COL20A1: variants seen among roughly 807,000 people sequenced by gnomAD.
COL20A1 encodes the protein collagen alpha-1(XX) chain.
Under a neutral mutation model 152.9 loss-of-function variants are expected in COL20A1, and 164 were observed. The ratio of observed to expected loss-of-function variants is 1.07; its 90% CI spans 0.94 to 1.22. COL20A1 has a LOEUF of 1.22. Among genes scored for constraint, COL20A1 ranks in the 50% most tolerant of loss-of-function variants. COL20A1 has a pLI of 0.00. For synonymous variants in COL20A1, 864 were observed against 756.0 expected (o/e 1.14, Z -2.34); for missense variants, 1,873 against 1,744.8 (o/e 1.07, Z -1.31).
At chr20:63,316,089 G>A (rs759426437) in intron 20 of COL20A1, among the ~76,000 whole-genome samples, 2 of 152,168 alleles carry the variant, frequency 1.3e-5, no homozygotes, top group Non-Finnish European at 2.9e-5. Context: ...TGGCCACGCT[G>A]TGTGCCAGCA....
rs1271114189 is a variant in COL20A1, at chr20:63,332,650, A to C, written c.*1934A>C. The C allele has an allele frequency of 6.6e-6, 1 of 152,260 alleles. No homozygotes were observed. The highest frequency in any genetic ancestry group is 1.5e-5 in the Non-Finnish European group (1 of 68,078). The allele number at this position is 152,260 out of a possible 1,614,324, so 9.4% of individuals were successfully genotyped here. A position where few individuals can be genotyped will look rare whatever the true frequency, so the allele number is the denominator to read the frequency against. ...GGCCGGGGGGAACCAGGGTGGCTCT[A>C]ATCCCCACCACCCCCTCAGCTGCCC... is the stretch of plus-strand genomic sequence containing the variant. On this transcript the variant is annotated 3_prime_UTR_variant, in exon 36 of 36. Transcript: ENST00000358894.
intron 3 of COL20A1, among the ~76,000 whole-genome samples, chr20:63,300,198 G>A (rs1296075826): frequency 3.9e-5 from 6 of 152,260 alleles, no homozygotes; most frequent in Non-Finnish European, 7.4e-5. Context: ...TCCTTTTAAA[G>A]TTTGGTATCA....
intron 27 of COL20A1, among the ~76,000 whole-genome samples, chr20:63,322,785 C>G (rs2068184780): frequency 6.6e-6 from 1 of 152,238 alleles, no homozygotes; most frequent in South Asian, 2.1e-4. Flanking sequence ...CTCCCGACCC[C>G]GACACCCACC....
intron 27 of COL20A1, among the ~76,000 whole-genome samples, chr20:63,322,945 G>A (rs2068187395): frequency 6.6e-6 from 1 of 152,248 alleles, no homozygotes; most frequent in Non-Finnish European, 1.5e-5. Flanking sequence ...CAGGCACAGA[G>A]TCCCTAGGAC....
intron 10 of COL20A1, 87 bp from the exon 11 acceptor site, chr20:63,310,294 T>C: frequency 1.3e-6 from 2 of 1,482,952 alleles, no homozygotes; most frequent in Non-Finnish European, 1.8e-6. Flanking sequence ...CCAGCTGAGC[T>C]CACACTCCAG....
chr20:63,334,041 A>G lies in COL20A1; in HGVS notation c.*3325A>G, dbSNP rs1438525947. On this transcript the variant is annotated 3_prime_UTR_variant, in exon 36 of 36. Coordinates refer to ENST00000358894, the MANE Select transcript of COL20A1 (RefSeq NM_020882.4). ...AGACGATGTCATAATACAGCCCCCCATCGTGATCTGATGGTAAGTACAGAA... is the reference window on the plus strand; with the variant it reads ...AGACGATGTCATAATACAGCCCCCCGTCGTGATCTGATGGTAAGTACAGAA... 6.6e-6 allele frequency: 1 copy of G among 152,200 alleles called. No homozygotes were observed. The highest frequency in any genetic ancestry group is 6.5e-5 in the Admixed American group (1 of 15,274). 9.4% of individuals were successfully genotyped at this position (152,200 alleles called of 1,614,324 possible). A position where few individuals can be genotyped will look rare whatever the true frequency, so the allele number is the denominator to read the frequency against.
chr20:63,321,040 GTGTCTGCCTGTTCC>G lies in COL20A1; in HGVS notation c.3185_3198del (p.Ser1062PhefsTer98). On this transcript the variant is annotated frameshift_variant, in exon 26 of 36. Transcript: ENST00000358894. LOFTEE classifies it high-confidence loss of function. Reference sequence around the variant, plus strand: ...GGATGGAGAGACCTGCCCCGCCTTCGTGTCTGCCTGTTCCTGTTCCTCAGAGACCCCTGGGCCCC... The same window carrying G: ...GGATGGAGAGACCTGCCCCGCCTTCGTGTTCCTCAGAGACCCCTGGGCCCC... 6.3e-7 allele frequency: 1 copy of G among 1,599,586 alleles called. No individual in the cohort carries two copies. The highest frequency in any genetic ancestry group is 8.5e-7 in the Non-Finnish European group (1 of 1,173,962).
At chr20:63,309,104 G>A (rs2067968931) in intron 8 of COL20A1, among the ~76,000 whole-genome samples, 1 of 152,200 alleles carries the variant, frequency 6.6e-6, no homozygotes, top group South Asian at 2.1e-4. Flanking sequence ...ACTCTGTCCT[G>A]TGGGGAGGAA....
chr20:63,297,329 T>TCAGCCCAGGGGACCCAGC (rs1472506357), intron 2 of COL20A1, among the ~76,000 whole-genome samples: 1 of 147,428 alleles, frequency 6.8e-6, no homozygotes, highest in African/African-American at 2.6e-5. Context: ...CTCAGGGGAC[T>TCAGCCCAGGGGACCCAGC]TAGCTCAGGG....
chr20:63,327,810 G>A, intron 31 of COL20A1, 142 bp from the exon 32 acceptor site: 1 of 824,046 alleles, frequency 1.2e-6, no homozygotes, highest in Non-Finnish European at 2.0e-6. Context: ...CTAGGATCTG[G>A]GAATTTGGGA....
Position 63,312,925 on chromosome 20 carries a change from G to A in COL20A1, c.2067G>A (p.Lys689=). Residue 689 remains lysine (K), a synonymous_variant, in exon 16 of 36, where the codon AAG becomes AAA. Coordinates refer to ENST00000358894, the MANE Select transcript of COL20A1 (RefSeq NM_020882.4). ...CGTGGACGCCCCTGGGAGAGGGGAA[G>A]GCTCACGAGGTGGGCAGGGGTGGGT... is the stretch of plus-strand genomic sequence containing the variant. The part of the protein sequence containing the change: ...QITWTPLGEG[K]AHEISVPGNL... The A allele has an allele frequency of 6.4e-7, 1 of 1,551,904 alleles. No homozygotes were observed. The highest frequency in any genetic ancestry group is 1.9e-5 in the Admixed American group (1 of 51,938).
At position 63,319,554 on chromosome 20, in the gene COL20A1, C is replaced by T. The variant is rs1317059293; in HGVS notation, c.2874C>T (p.Asp958=). 29 of 1,597,664 alleles carry T rather than the reference C, an allele frequency of 1.8e-5. No homozygotes were observed. Among genetic ancestry groups the T allele is most frequent in the Non-Finnish European group, 2.3e-5 (27 of 1,172,886 alleles). ...CTGCCTTGCAGGAGGCCACCTTCGA[C>T]CCGCAGGAAGTGAGGAAGATTTTCT... is the stretch of plus-strand genomic sequence containing the variant. ...PRAALQEATF[D]PQEVRKIFFG... is the part of the protein sequence containing the mutation. The change falls in exon 23 of 36, where the codon GAC becomes GAT. Residue 958 remains aspartate, a synonymous_variant. Coordinates refer to ENST00000358894, the MANE Select transcript of COL20A1 (RefSeq NM_020882.4). This position sits in a 1 kb window ranked among gnomAD's most constrained non-coding sequence, Gnocchi z 4.4.
chr20:63,321,994 G>C lies in COL20A1; in HGVS notation c.3241-64G>C, dbSNP rs189346733. ...GGGCCAGGCATGGGGCTCAGGGGCTGGTCTTTGCTCCTCTACCTTGGTTGG... is the reference window on the plus strand; with the variant it reads ...GGGCCAGGCATGGGGCTCAGGGGCTCGTCTTTGCTCCTCTACCTTGGTTGG... On this transcript the variant is annotated intron_variant, in intron 26 of 35. Transcript: ENST00000358894. The C allele has an allele frequency of 1.1e-3, 1,485 of 1,381,614 alleles. 12 individuals carry two copies. In the Middle Eastern group the frequency reaches 0.023, roughly 22 times the overall value. The allele number at this position is 1,381,614 out of a possible 1,614,324, so 85.6% of individuals were successfully genotyped here. A position where few individuals can be genotyped will look rare whatever the true frequency, so the allele number is the denominator to read the frequency against.
chr20:63,326,218 C>A (rs2068246202), intron 30 of COL20A1, 69 bp downstream of exon 30: 6 of 1,241,140 alleles, frequency 4.8e-6, no homozygotes, highest in Non-Finnish European at 7.1e-6. Flanking sequence ...CAGGCAGAGG[C>A]CAGTCTGAAC....
At chr20:63,294,311 G>A (rs2067758746) in intron 1 of COL20A1, among the ~76,000 whole-genome samples, 1 of 151,362 alleles carries the variant, frequency 6.6e-6, no homozygotes, top group Non-Finnish European at 1.5e-5. Flanking sequence ...CAGCTGACAT[G>A]CTCCCCACCT....
intron 33 of COL20A1, 58 bp downstream of exon 33, chr20:63,328,185 C>T: frequency 6.3e-7 from 1 of 1,596,926 alleles, no homozygotes; most frequent in Non-Finnish European, 8.6e-7. Flanking sequence ...GCCTACCACA[C>T]CTGTCTGTCC....
chr20:63,325,398 G>A, intron 27 of COL20A1, 43 bp from the exon 28 acceptor site: 2 of 1,476,698 alleles, frequency 1.4e-6, no homozygotes, highest in Non-Finnish European at 1.9e-6. Flanking sequence ...CTCCTGCCCT[G>A]TGCCCCCTCC....
At chr20:63,310,537 G>A in intron 11 of COL20A1, 27 bp downstream of exon 11, 6 of 1,558,870 alleles carry the variant, frequency 3.8e-6, no homozygotes, top group Non-Finnish European at 5.2e-6. Flanking sequence ...CAGCGGCCAG[G>A]TTCTGGGTGG....
intron 30 of COL20A1, among the ~76,000 whole-genome samples, 168 bp from the exon 31 acceptor site, chr20:63,326,584 G>A (rs1283286304): frequency 1.3e-5 from 2 of 152,184 alleles, no homozygotes; most frequent in African/African-American, 4.8e-5. Context: ...CCTGGAGGCA[G>A]GGGAGGCACC....
Sources: allele counts gnomAD v4.1 joint callset (sites outside exome capture counted in the v4.1 genomes callset), GRCh38; gene constraint gnomAD v4.1.1; non-coding constraint Gnocchi (gnomAD v3.1); transcripts MANE v1.5; gene names NCBI Gene and HGNC (gene_info 2026-07-23, HGNC 2026-07-21).